CYP24A1: variants seen among roughly 807,000 people sequenced by gnomAD.
The protein encoded by CYP24A1 is cytochrome P450 family 24 subfamily A member 1.
A neutral mutation model predicts 62.4 loss-of-function variants in CYP24A1; 68 were observed. The observed-to-expected ratio is 1.09, with a 90% confidence interval of 0.90 to 1.33. The LOEUF (loss-of-function observed/expected upper bound fraction) is 1.33. CYP24A1 is among the 40% of genes most tolerant of loss of function. The probability of loss-of-function intolerance (pLI) is 0.00; values close to 1 mark genes in which losing one functional copy is unlikely to be tolerated. For synonymous variants in CYP24A1, 267 were observed against 253.0 expected (o/e 1.06, Z -0.52); for missense variants, 787 against 653.0 (o/e 1.21, Z -2.24).
chr20:54,168,764 CTCCT>C (rs1214628691), intron 4 of CYP24A1, among the ~76,000 whole-genome samples: 2 of 121,918 alleles, frequency 1.6e-5, no homozygotes, highest in East Asian at 2.4e-4. Context: ...CCTTCTCTCC[CTCCT>C]TCCTTCCTTC....
chr20:54,157,863 T>G (rs756713649), intron 9 of CYP24A1, among the ~76,000 whole-genome samples: 11 of 152,192 alleles, frequency 7.2e-5, no homozygotes, highest in Non-Finnish European at 1.5e-4. Context: ...ATTATGTAAC[T>G]CACTCAAGAC....
At chr20:54,152,886 G>T (rs2092614794), downstream of CYP24A1, among the ~76,000 whole-genome samples, 1 of 152,202 alleles carries the variant, frequency 6.6e-6, no homozygotes, top group Non-Finnish European at 1.5e-5. Flanking sequence ...AGCAAGAGAG[G>T]ACTGAGATCA....
chr20:54,153,087 C>G, downstream of CYP24A1, among the ~76,000 whole-genome samples: 1 of 152,154 alleles, frequency 6.6e-6, no homozygotes, highest in East Asian at 1.9e-4. Flanking sequence ...CTCTACCTGA[C>G]TGCCAAGTGC....
intron 2 of CYP24A1, chr20:54,171,952 C>T: frequency 3.3e-6 from 2 of 607,778 alleles, no homozygotes; most frequent in South Asian, 3.9e-5. Flanking sequence ...TTTGAGGTGT[C>T]CTTGCAGGGA....
chr20:54,170,576 G>A (rs953289108), intron 3 of CYP24A1, among the ~76,000 whole-genome samples: 1 of 152,048 alleles, frequency 6.6e-6, no homozygotes, highest in African/African-American at 2.4e-5. Context: ...AAAAAAACAA[G>A]AGGTTTCATA....
intron 11 of CYP24A1, 109 bp downstream of exon 11, chr20:54,157,060 T>C: frequency 1.4e-6 from 1 of 698,430 alleles, no homozygotes; most frequent in Non-Finnish European, 2.7e-6. Context: ...ACCCAGCAAG[T>C]TAGAGGTGAG....
chr20:54,150,769 G>A (rs1202727927), downstream of CYP24A1, among the ~76,000 whole-genome samples: 1 of 152,206 alleles, frequency 6.6e-6, no homozygotes, highest in East Asian at 1.9e-4. Context: ...CGATGCACAA[G>A]TGTTCTCATG....
chr20:54,145,127 G>A, the CYP24A1 span, among the ~76,000 whole-genome samples: 1 of 152,016 alleles, frequency 6.6e-6, no homozygotes, highest in Admixed American at 6.6e-5. Context: ...TAGTTGATAA[G>A]TTAACTATTT....
chr20:54,172,771 G>T, intron 2 of CYP24A1, 138 bp downstream of exon 2: 1 of 1,534,688 alleles, frequency 6.5e-7, no homozygotes, highest in East Asian at 2.4e-5. Context: ...CGATGGCACG[G>T]GAGAGGGGCT....
At chr20:54,152,570 G>A (rs2092614267), downstream of CYP24A1, among the ~76,000 whole-genome samples, 1 of 152,206 alleles carries the variant, frequency 6.6e-6, no homozygotes, top group Admixed American at 6.5e-5. Flanking sequence ...CGTAGGAGAA[G>A]AACAGGCAGA....
In CYP24A1 at chr20:54,165,865, A is replaced by G. The variant is rs2092670167; in HGVS notation, c.641-32T>C. On this transcript the variant is annotated intron_variant, in intron 4 of 11. Transcript: ENST00000216862. The stretch of plus-strand genomic sequence containing the variant: ...TTTAAAATAATCATCACTTTACACA[A>G]ACAGCAATGCTGGAGTTGGAGTCTA... The G allele has an allele frequency of 4.1e-6, 4 of 978,516 alleles. No individual in the cohort carries two copies. In the South Asian group the frequency reaches 5.1e-5, roughly 12 times the overall value. 60.6% of individuals were successfully genotyped at this position (978,516 alleles called of 1,614,324 possible).
chr20:54,144,378 T>G, the CYP24A1 span, among the ~76,000 whole-genome samples: 2 of 151,660 alleles, frequency 1.3e-5, no homozygotes, highest in African/African-American at 4.8e-5. Flanking sequence ...GTCTCCCTAG[T>G]AGTTGCGACC....
At chr20:54,168,843 C>CTTT (rs1319222461) in intron 4 of CYP24A1, among the ~76,000 whole-genome samples, 7 of 43,836 alleles carry the variant, frequency 1.6e-4, no homozygotes, top group African/African-American at 6.3e-4. Context: ...TCCCTCCCTC[C>CTTT]CTTCTTCCTT....
chr20:54,156,775 G>A (rs2092629426), intron 11 of CYP24A1, among the ~76,000 whole-genome samples: 1 of 152,174 alleles, frequency 6.6e-6, no homozygotes, highest in Non-Finnish European at 1.5e-5. Flanking sequence ...CATGTTCCAA[G>A]GTAGTATTAA....
chr20:54,170,784 C>T (rs2092691306), intron 3 of CYP24A1, among the ~76,000 whole-genome samples: 1 of 152,064 alleles, frequency 6.6e-6, no homozygotes, highest in Non-Finnish European at 1.5e-5. Flanking sequence ...GTCATGTGAG[C>T]CCTGGAAGCT....
intron 3 of CYP24A1, among the ~76,000 whole-genome samples, chr20:54,171,356 C>G (rs919251437): frequency 6.6e-6 from 1 of 152,038 alleles, no homozygotes; most frequent in African/African-American, 2.4e-5. Context: ...CTCCATTGCT[C>G]CCTCATTGTG....
At chr20:54,165,067 G>T (rs1601137183) in intron 5 of CYP24A1, among the ~76,000 whole-genome samples, 1 of 152,202 alleles carries the variant, frequency 6.6e-6, no homozygotes, top group East Asian at 1.9e-4. Flanking sequence ...AAGAAATAAT[G>T]GATTTAATGT....
the CYP24A1 span, among the ~76,000 whole-genome samples, chr20:54,145,466 C>A: frequency 2.0e-5 from 3 of 151,822 alleles, no homozygotes; most frequent in East Asian, 5.8e-4. Flanking sequence ...ATAGCGAAAC[C>A]CCATCTCTAT....
the CYP24A1 span, among the ~76,000 whole-genome samples, chr20:54,144,770 T>C: frequency 2.0e-5 from 3 of 151,664 alleles, no homozygotes; most frequent in East Asian, 3.9e-4. Context: ...CATACTGGTA[T>C]ACTTTTATAG....
Sources: allele counts gnomAD v4.1 joint callset (sites outside exome capture counted in the v4.1 genomes callset), GRCh38; gene constraint gnomAD v4.1.1; transcripts MANE v1.5; gene names NCBI Gene and HGNC (gene_info 2026-07-23, HGNC 2026-07-21).